The following SLC4A4 variants were observed in gnomAD, a reference collection of about 807,000 sequenced individuals.
SLC4A4 encodes the protein solute carrier family 4 member 4.
SLC4A4 carries 27 observed loss-of-function variants against 111.5 expected under a neutral mutation model. The ratio of observed to expected loss-of-function variants is 0.24; its 90% CI spans 0.18 to 0.33. SLC4A4 has a LOEUF of 0.33. Among genes scored for constraint, SLC4A4 ranks in the 10% least tolerant of loss-of-function variants. SLC4A4 has a pLI of 1.00. For synonymous variants in SLC4A4, 443 were observed against 463.4 expected (o/e 0.96, Z 0.57); for missense variants, 909 against 1,315.5 (o/e 0.69, Z 4.78).
intron 2 of SLC4A4, among the ~76,000 whole-genome samples, chr4:71,145,739 G>A (rs896849797): frequency 1.3e-5 from 2 of 152,142 alleles, no homozygotes; most frequent in African/African-American, 4.8e-5. Context: ...TTGCGTAGAG[G>A]TGTTTATAGT....
intron 2 of SLC4A4, among the ~76,000 whole-genome samples, chr4:71,143,943 G>C (rs866879948): frequency 6.6e-6 from 1 of 152,124 alleles, no homozygotes; most frequent in East Asian, 1.9e-4. Context: ...AGAAGCTCTT[G>C]AGTTTAATTA....
chr4:71,562,215 A>AAAAC (rs1206835202), intron 23 of SLC4A4, among the ~76,000 whole-genome samples: 2 of 151,744 alleles, frequency 1.3e-5, no homozygotes, highest in African/African-American at 2.4e-5. Flanking sequence ...TACCCTTTCC[A>AAAAC]AAACAAACAA....
chr4:71,334,429 A>C (rs1278876678), intron 3 of SLC4A4, among the ~76,000 whole-genome samples: 2 of 151,848 alleles, frequency 1.3e-5, no homozygotes, highest in Non-Finnish European at 2.9e-5. Context: ...TACTCTCCTC[A>C]AGCAGAAGGA....
intron 2 of SLC4A4, among the ~76,000 whole-genome samples, chr4:71,239,245 T>C (rs1720019623): frequency 6.6e-6 from 1 of 152,220 alleles, no homozygotes; most frequent in Non-Finnish European, 1.5e-5. Flanking sequence ...TTTGTAAACA[T>C]TCTTGGCAAA....
intron 2 of SLC4A4, among the ~76,000 whole-genome samples, chr4:71,163,625 C>T (rs1447918972): frequency 2.0e-5 from 3 of 152,166 alleles, no homozygotes; most frequent in Non-Finnish European, 2.9e-5. Flanking sequence ...ATATTTTCAT[C>T]GATAAATGTG....
chr4:71,229,812 GTTTTTTTTT>G (rs546659911), intron 1 of SLC4A4, among the ~76,000 whole-genome samples: 5 of 124,344 alleles, frequency 4.0e-5, no homozygotes, highest in African/African-American at 1.5e-4. Flanking sequence ...CCCCTGCGAA[GTTTTTTTTT>G]TTTTTTTTTT....
At chr4:71,435,471 G>A (rs1226845557) in intron 7 of SLC4A4, among the ~76,000 whole-genome samples, 2 of 152,126 alleles carry the variant, frequency 1.3e-5, no homozygotes, top group Non-Finnish European at 2.9e-5. Context: ...AGAAAACCTA[G>A]GCATTACCAT....
chr4:71,405,462 G>A (rs974180396), intron 7 of SLC4A4, among the ~76,000 whole-genome samples: 12 of 151,886 alleles, frequency 7.9e-5, no homozygotes, highest in South Asian at 2.1e-4. Context: ...TATATGAATC[G>A]TATTTTATTG....
chr4:71,331,535 A>G (rs1358405362), intron 3 of SLC4A4, among the ~76,000 whole-genome samples: 2 of 146,976 alleles, frequency 1.4e-5, no homozygotes, highest in Non-Finnish European at 3.0e-5. Flanking sequence ...GAACAATGAG[A>G]ACCCTTGGAC....
At chr4:71,505,490 G>A (rs1578065549) in intron 16 of SLC4A4, among the ~76,000 whole-genome samples, 1 of 151,644 alleles carries the variant, frequency 6.6e-6, no homozygotes, top group East Asian at 1.9e-4. Flanking sequence ...CTGGCCACAT[G>A]TATGTCTTAT....
At chr4:71,560,049 A>C in intron 22 of SLC4A4, 44 bp from the exon 23 acceptor site, 1 of 1,487,638 alleles carries the variant, frequency 6.7e-7, no homozygotes, top group Non-Finnish European at 9.4e-7. Context: ...CTGTGACTTC[A>C]TCTGACATGG....
intron 7 of SLC4A4, among the ~76,000 whole-genome samples, chr4:71,401,636 A>C (rs1720371347): frequency 6.6e-6 from 1 of 152,184 alleles, no homozygotes; most frequent in Non-Finnish European, 1.5e-5. Context: ...CAGTGGATTT[A>C]GTTACAGTTT....
At chr4:71,311,695 G>A (rs945154172) in intron 3 of SLC4A4, among the ~76,000 whole-genome samples, 8 of 152,076 alleles carry the variant, frequency 5.3e-5, no homozygotes, top group Non-Finnish European at 1.2e-4. Flanking sequence ...GTGTTTAGAG[G>A]GAAATTTATA....
At chr4:71,445,562 A>G (rs1725148447) in intron 8 of SLC4A4, among the ~76,000 whole-genome samples, 1 of 152,166 alleles carries the variant, frequency 6.6e-6, no homozygotes, top group Non-Finnish European at 1.5e-5. Flanking sequence ...GAAGCAGAAG[A>G]AATCTATTAT....
chr4:71,422,063 G>A (rs1722568332), intron 7 of SLC4A4, among the ~76,000 whole-genome samples: 1 of 149,756 alleles, frequency 6.7e-6, no homozygotes, highest in Admixed American at 6.7e-5. Flanking sequence ...TTTTTTGAAA[G>A]GATCAACAAA....
rs553517157 is a variant in SLC4A4, at chr4:71,555,411, A to G, written c.2763+203A>G. 5.3e-5 allele frequency among the ~76,000 whole-genome samples: 8 copies of G among 152,050 alleles called. No individual in the cohort carries two copies. In the East Asian group the frequency reaches 1.6e-3, roughly 30 times the overall value. On this transcript the variant is annotated intron_variant, in intron 21 of 25. Transcript: ENST00000264485. ...CCAGTATTAAGAAAAGTTGCCATAC[A>G]TACCCATTGTTTAAATAGGCTGTTA... is the stretch of plus-strand genomic sequence containing the variant.
intron 16 of SLC4A4, among the ~76,000 whole-genome samples, chr4:71,521,311 A>C (rs1034115240): frequency 6.6e-6 from 1 of 152,108 alleles, no homozygotes; most frequent in Non-Finnish European, 1.5e-5. Context: ...GGCTTACTGC[A>C]GCCTCAACCA....
intron 2 of SLC4A4, among the ~76,000 whole-genome samples, chr4:71,152,295 C>G (rs1274021658): frequency 6.6e-6 from 1 of 151,964 alleles, no homozygotes; most frequent in Non-Finnish European, 1.5e-5. Context: ...ATGCTTATCT[C>G]TAAATAATAC....
chr4:71,111,008 G>A (rs1198735588), intron 2 of SLC4A4, among the ~76,000 whole-genome samples: 1 of 152,180 alleles, frequency 6.6e-6, no homozygotes, highest in African/African-American at 2.4e-5. Context: ...CAGAATATTA[G>A]AAGTAGCTTG....
Sources: allele counts gnomAD v4.1 joint callset (sites outside exome capture counted in the v4.1 genomes callset), GRCh38; gene constraint gnomAD v4.1.1; transcripts MANE v1.5; gene names NCBI Gene and HGNC (gene_info 2026-07-23, HGNC 2026-07-21).